Variants in ZNF624 observed in about 807,000 individuals in gnomAD.
ZNF624 encodes zinc finger protein 624.
A neutral mutation model predicts 74.7 loss-of-function variants in ZNF624; 43 were observed. The ratio of observed to expected loss-of-function variants is 0.58; its 90% CI spans 0.45 to 0.74. The LOEUF (loss-of-function observed/expected upper bound fraction) is 0.74, where lower values mean the gene tolerates loss of function less well. Ranked by LOEUF, ZNF624 falls within the 30% of genes least tolerant of loss-of-function variation. The probability of loss-of-function intolerance (pLI) is 0.00; values close to 1 mark genes in which losing one functional copy is unlikely to be tolerated. For missense variants in ZNF624, 820 were observed against 1,030.0 expected, an observed-to-expected ratio of 0.80 and a Z score of 2.79; for synonymous variants, 331 against 341.3, an observed-to-expected ratio of 0.97 and a Z score of 0.33.
intron 5 of ZNF624, among the ~76,000 whole-genome samples, chr17:16,632,890 A>C (rs1314812231): frequency 5.3e-5 from 8 of 152,086 alleles, no homozygotes; most frequent in Non-Finnish European, 1.0e-4. Context: ...GTTTCCCCTC[A>C]CTTTAGTCAC....
At chr17:16,646,559 G>A (rs1042357976) in intron 3 of ZNF624, among the ~76,000 whole-genome samples, 3 of 152,182 alleles carry the variant, frequency 2.0e-5, no homozygotes, top group Non-Finnish European at 4.4e-5. Flanking sequence ...GGAGATGCAA[G>A]AAACCGATGT....
At chr17:16,652,184 C>G (rs1187873604) in intron 1 of ZNF624, among the ~76,000 whole-genome samples, 2 of 152,066 alleles carry the variant, frequency 1.3e-5, no homozygotes, top group Non-Finnish European at 2.9e-5. Flanking sequence ...AGAATCTGAC[C>G]TTGTCCACAA....
At chr17:16,643,178 T>C (rs1169213436) in intron 3 of ZNF624, among the ~76,000 whole-genome samples, 1 of 152,198 alleles carries the variant, frequency 6.6e-6, no homozygotes, top group African/African-American at 2.4e-5. Flanking sequence ...ACCCTAGGTA[T>C]ATACCAAGAG....
downstream of ZNF624, among the ~76,000 whole-genome samples, chr17:16,618,879 G>A (rs563928752): frequency 1.3e-5 from 2 of 152,200 alleles, no homozygotes; most frequent in South Asian, 2.1e-4. Context: ...TATTGGTAAG[G>A]CTCCTAGTCA....
At chr17:16,644,919 T>C (rs566465124) in intron 3 of ZNF624, among the ~76,000 whole-genome samples, 1 of 152,364 alleles carries the variant, frequency 6.6e-6, no homozygotes, top group East Asian at 1.9e-4. Flanking sequence ...GTGACTTTGA[T>C]GCTGAGAAGC....
chr17:16,642,987 C>A (rs2142637319), intron 3 of ZNF624, among the ~76,000 whole-genome samples: 1 of 152,250 alleles, frequency 6.6e-6, no homozygotes, highest in South Asian at 2.1e-4. Flanking sequence ...ACTTCACACC[C>A]AATAAGATGT....
At chr17:16,624,581 A>G (rs1909019652) in intron 5 of ZNF624, 72 bp from the exon 6 acceptor site, 1 of 1,308,062 alleles carries the variant, frequency 7.6e-7, no homozygotes, top group Admixed American at 2.5e-5. Flanking sequence ...CAGAATAATA[A>G]AAGCAATAAA....
At position 16,634,721 on chromosome 17, in the gene ZNF624, G is replaced by A; in HGVS notation, c.189C>T (p.Phe63=). The change falls in exon 4 of 6, where the codon TTC becomes TTT. Residue 63 remains phenylalanine (F), a synonymous_variant. Coordinates refer to ENST00000311331, the MANE Select transcript of ZNF624 (RefSeq NM_020787.4). The part of the protein sequence containing the change: ...SVTFKDVAID[F]TLEEWRLMDP... ...CCATCAACCTCCACTCCTCCAATGT[G>A]AAGTCTATAGCCACATCCTTAAATG... The A allele has an allele frequency of 6.2e-7, 1 of 1,613,694 alleles. No individual in the cohort carries two copies. The highest frequency in any genetic ancestry group is 2.2e-5 in the East Asian group (1 of 44,862).
At chr17:16,650,895 A>G (rs77070256) in intron 1 of ZNF624, among the ~76,000 whole-genome samples, 157 of 152,320 alleles carry the variant, frequency 1.0e-3, no homozygotes, top group African/African-American at 3.7e-3. Context: ...CTCAATAAAC[A>G]TAGCAGAACT....
chr17:16,618,819 AAG>A (rs1234044452), downstream of ZNF624, among the ~76,000 whole-genome samples: 1 of 152,218 alleles, frequency 6.6e-6, no homozygotes, highest in African/African-American at 2.4e-5. Flanking sequence ...TAGCTTACGT[AAG>A]AGTACAGTAT....
chr17:16,618,906 AGTT>A (rs1456495498), downstream of ZNF624, among the ~76,000 whole-genome samples: 5 of 152,376 alleles, frequency 3.3e-5, no homozygotes, highest in South Asian at 2.1e-4. Flanking sequence ...GGTTATTAGT[AGTT>A]AAGTTTTTGA....
At chr17:16,619,575 G>A (rs1177643641), downstream of ZNF624, among the ~76,000 whole-genome samples, 1 of 152,184 alleles carries the variant, frequency 6.6e-6, no homozygotes, top group Non-Finnish European at 1.5e-5. Context: ...AACACATATC[G>A]AAAGGAGGGG....
At chr17:16,650,667 G>A (rs1035680722) in intron 1 of ZNF624, among the ~76,000 whole-genome samples, 1 of 152,222 alleles carries the variant, frequency 6.6e-6, no homozygotes, top group Middle Eastern at 3.4e-3. Flanking sequence ...ATATCAAACA[G>A]TACAGATTGT....
At chr17:16,635,005 T>C (rs148496540) in intron 3 of ZNF624, among the ~76,000 whole-genome samples, 32 of 152,320 alleles carry the variant, frequency 2.1e-4, no homozygotes, top group African/African-American at 7.5e-4. Context: ...AAGTCTGGCT[T>C]CCTATAAATT....
In ZNF624 at chr17:16,622,957, A is replaced by G. The variant is rs1597489846; in HGVS notation, c.1929T>C (p.Tyr643=). 5 of 1,614,056 alleles carry G rather than the reference A, an allele frequency of 3.1e-6. 1 individual carries two copies. In the East Asian group the frequency reaches 6.7e-5, roughly 22 times the overall value. ...TAGTCCTAAAGGACTTTCCACAGTC[A>G]TAACATTTATAGGGTTTCACTCCAG... ...IHTGVKPYKC[Y]DCGKSFRTKS... The change falls in exon 6 of 6, where the codon TAT becomes TAC. Residue 643 remains tyrosine (Y), a synonymous_variant. Transcript: ENST00000311331.
Position 16,634,660 on chromosome 17 carries a change from G to C in ZNF624, c.250C>G (p.Leu84Val). ...TQRNLHKDVM[L>V]ENYRNLVSLG... ...GAGACCAGATTCCTGTAATTCTCTA[G>C]CATCACATCCTTGTGCAGGTTCCTC... Residue 84 changes from leucine (L) to valine (V), a missense_variant, in exon 4 of 6, where the codon CTA (leucine) becomes GTA (valine). Leu to Val is a conservative substitution (Grantham distance 32, BLOSUM62 1). Transcript: ENST00000311331. 1 of 1,613,650 alleles carries C rather than the reference G, an allele frequency of 6.2e-7. No individual in the cohort carries two copies. The highest frequency in any genetic ancestry group is 1.1e-5 in the South Asian group (1 of 91,050).
chr17:16,632,233 G>A (rs1006922626), intron 5 of ZNF624, among the ~76,000 whole-genome samples: 1 of 152,140 alleles, frequency 6.6e-6, no homozygotes, highest in African/African-American at 2.4e-5. Context: ...CACAGGAGGT[G>A]ACCTCTGTAC....
chr17:16,636,767 C>T (rs112376984), intron 3 of ZNF624, among the ~76,000 whole-genome samples: 3,917 of 151,302 alleles, frequency 0.026, 156 homozygotes, highest in African/African-American at 0.09. Flanking sequence ...ACCTGGGAGG[C>T]GGAGCTTGCA....
At chr17:16,648,516 T>C (rs1340706424) in intron 2 of ZNF624, among the ~76,000 whole-genome samples, 1 of 152,266 alleles carries the variant, frequency 6.6e-6, no homozygotes, top group Admixed American at 6.5e-5. Flanking sequence ...AATATGGTTA[T>C]ACCTGGTGAT....
Sources: allele counts gnomAD v4.1 joint callset (sites outside exome capture counted in the v4.1 genomes callset), GRCh38; gene constraint gnomAD v4.1.1; transcripts MANE v1.5; gene names NCBI Gene and HGNC (gene_info 2026-07-23, HGNC 2026-07-21).